Variants in DCC observed in about 807,000 individuals in gnomAD.
DCC encodes the protein netrin receptor DCC.
In DCC, 58 loss-of-function variants were observed where a neutral mutation model predicts 172.5. That is an observed-to-expected ratio of 0.34 (90% confidence interval 0.27 to 0.42). DCC has a LOEUF of 0.42. DCC is among the 10% of genes least tolerant of loss of function. The probability of loss-of-function intolerance (pLI) is 1.00; values close to 1 mark genes in which losing one functional copy is unlikely to be tolerated. For missense variants in DCC, 1,740 were observed against 1,791.0 expected (o/e 0.97, Z 0.51); for synonymous variants, 709 against 644.5 (o/e 1.10, Z -1.52).
chr18:53,200,350 A>G (rs2055517563), intron 9 of DCC, among the ~76,000 whole-genome samples: 1 of 152,232 alleles, frequency 6.6e-6, no homozygotes, highest in Admixed American at 6.5e-5. Context: ...ATGATGAATC[A>G]ACAAAATCAA....
chr18:53,395,486 G>A (rs1345875252), intron 17 of DCC, among the ~76,000 whole-genome samples: 1 of 152,026 alleles, frequency 6.6e-6, no homozygotes, highest in Non-Finnish European at 1.5e-5. Context: ...CTAAGACTTA[G>A]AGTTGTTCAT....
intron 1 of DCC, among the ~76,000 whole-genome samples, chr18:52,367,181 C>G (rs551452787): frequency 1.8e-4 from 28 of 152,106 alleles, no homozygotes; most frequent in African/African-American, 5.3e-4. Context: ...GCCAGCAGGG[C>G]TGGCCGACTG....
intron 5 of DCC, among the ~76,000 whole-genome samples, chr18:53,033,288 G>A (rs1198681682): frequency 6.6e-6 from 1 of 152,064 alleles, no homozygotes; most frequent in African/African-American, 2.4e-5. Flanking sequence ...GACCTTGCTG[G>A]CTGGTCTCCC....
chr18:52,969,584 A>ACTCTGT (rs1555689607), intron 5 of DCC, among the ~76,000 whole-genome samples: 28 of 119,536 alleles, frequency 2.3e-4, no homozygotes, highest in Non-Finnish European at 4.0e-4. Flanking sequence ...CCCGCCCCCC[A>ACTCTGT]CTCTCTCTCT....
At chr18:52,748,315 A>G (rs2036940225) in intron 1 of DCC, among the ~76,000 whole-genome samples, 1 of 152,198 alleles carries the variant, frequency 6.6e-6, no homozygotes, top group African/African-American at 2.4e-5. Flanking sequence ...GCCAACAACC[A>G]CAGAGCCCCA....
intron 1 of DCC, among the ~76,000 whole-genome samples, chr18:52,656,231 C>T (rs923652690): frequency 6.6e-6 from 1 of 151,530 alleles, no homozygotes; most frequent in African/African-American, 2.4e-5. Context: ...GAGATGGGAC[C>T]TTTGAGATAT....
At chr18:52,392,468 G>A (rs1986065619) in intron 1 of DCC, among the ~76,000 whole-genome samples, 2 of 152,100 alleles carry the variant, frequency 1.3e-5, no homozygotes, top group African/African-American at 2.4e-5. Context: ...GGCAGTTACC[G>A]ATAGTGAGAA....
chr18:52,454,876 G>T (rs1346301134), intron 1 of DCC, among the ~76,000 whole-genome samples: 2 of 152,106 alleles, frequency 1.3e-5, no homozygotes, highest in Non-Finnish European at 2.9e-5. Flanking sequence ...CATTGTAATG[G>T]CCAGGTGGCT....
At chr18:52,615,369 G>A (rs2034359972) in intron 1 of DCC, among the ~76,000 whole-genome samples, 1 of 152,136 alleles carries the variant, frequency 6.6e-6, no homozygotes, top group South Asian at 2.1e-4. Context: ...TAATAATTCT[G>A]TTTTCAAGAT....
intron 22 of DCC, among the ~76,000 whole-genome samples, chr18:53,437,257 C>T (rs1354521931): frequency 6.6e-6 from 1 of 152,118 alleles, no homozygotes; most frequent in Non-Finnish European, 1.5e-5. Flanking sequence ...CTTGCTCTGG[C>T]AGTCCCTAAC....
intron 3 of DCC, among the ~76,000 whole-genome samples, chr18:52,912,357 C>A (rs2039982484): frequency 6.6e-6 from 1 of 151,944 alleles, no homozygotes; most frequent in Admixed American, 6.6e-5. Flanking sequence ...TTAAATAATT[C>A]TATTTTCATG....
At chr18:52,819,084 C>A (rs1174002382) in intron 2 of DCC, among the ~76,000 whole-genome samples, 4 of 152,144 alleles carry the variant, frequency 2.6e-5, no homozygotes, top group Non-Finnish European at 5.9e-5. Flanking sequence ...GAGAAGTTTA[C>A]AGTCGTTTTA....
intron 5 of DCC, among the ~76,000 whole-genome samples, chr18:52,986,130 C>G (rs952118725): frequency 7.2e-5 from 11 of 152,102 alleles, no homozygotes; most frequent in Non-Finnish European, 1.5e-4. Flanking sequence ...TCTCTCTGCT[C>G]CAAAGTGGGG....
At chr18:52,596,897 G>A (rs1045006011) in intron 1 of DCC, among the ~76,000 whole-genome samples, 2 of 152,136 alleles carry the variant, frequency 1.3e-5, no homozygotes, top group South Asian at 2.1e-4. Flanking sequence ...AGGAGTCTCC[G>A]TGTTTGTTTT....
intron 7 of DCC, among the ~76,000 whole-genome samples, chr18:53,121,721 T>C (rs763054440): frequency 6.6e-6 from 1 of 151,914 alleles, no homozygotes; most frequent in Non-Finnish European, 1.5e-5. Context: ...CTGTGGTTAA[T>C]AATTTTACAT....
rs764264949 is a variant in DCC, at chr18:52,795,516, G to C, written c.412+43142G>C. Among the ~76,000 whole-genome samples, 102 of 151,660 alleles carry C rather than the reference G, an allele frequency of 6.7e-4. 1 individual carries two copies. The highest frequency in any genetic ancestry group is 1.8e-4 in the Non-Finnish European group (12 of 67,810). ...TCTTCTCTTTTTCTTGGTTAATCTA[G>C]CTAGCAGTTTAAAAATTTTACCTTC... is the stretch of plus-strand genomic sequence containing the variant. On this transcript the variant is annotated intron_variant, in intron 2 of 28. Coordinates refer to ENST00000442544, the MANE Select transcript of DCC (RefSeq NM_005215.4).
chr18:53,280,903 C>A (rs2056862554), intron 12 of DCC, among the ~76,000 whole-genome samples: 1 of 151,934 alleles, frequency 6.6e-6, no homozygotes, highest in South Asian at 2.1e-4. Flanking sequence ...TATGACCTAA[C>A]CTAAGAGATT....
At chr18:53,173,314 A>G (rs1477370955) in intron 8 of DCC, among the ~76,000 whole-genome samples, 2 of 152,160 alleles carry the variant, frequency 1.3e-5, no homozygotes, top group African/African-American at 4.8e-5. Context: ...CACTTCTAAA[A>G]GAATGCCTAA....
intron 7 of DCC, among the ~76,000 whole-genome samples, chr18:53,155,882 C>T (rs146905457): frequency 3.5e-4 from 53 of 152,236 alleles, no homozygotes; most frequent in Non-Finnish European, 2.9e-4. Flanking sequence ...CACAAATTAG[C>T]CGGGTGTGGT....
Sources: allele counts gnomAD v4.1 joint callset (sites outside exome capture counted in the v4.1 genomes callset), GRCh38; gene constraint gnomAD v4.1.1; transcripts MANE v1.5; gene names NCBI Gene and HGNC (gene_info 2026-07-23, HGNC 2026-07-21).